Variants in KANK1 observed in about 807,000 individuals in gnomAD.
The protein encoded by KANK1 is KN motif and ankyrin repeat domains 1, also known as KN motif and ankyrin repeat domain-containing protein 1.
Under a neutral mutation model 106.2 loss-of-function variants are expected in KANK1, and 109 were observed. That is an observed-to-expected ratio of 1.03 (90% CI 0.88 to 1.20). The LOEUF is 1.20. Among genes scored for constraint, KANK1 ranks in the 50% most tolerant of loss-of-function variants. The pLI is 0.00. For missense variants in KANK1, 2,399 were observed against 1,710.7 expected, an observed-to-expected ratio of 1.40 and a Z score of -7.10; for synonymous variants, 873 against 652.2, an observed-to-expected ratio of 1.34 and a Z score of -5.16.
rs142353150 is a variant in KANK1, at chr9:726,416, A to C, written c.2699-3635A>C. Among the ~76,000 whole-genome samples the C allele has an allele frequency of 8.8e-3, 1,339 of 152,300 alleles. 18 individuals are homozygous for C. The highest frequency in any genetic ancestry group is 0.011 in the Non-Finnish European group (715 of 68,010). On this transcript the variant is annotated intron_variant, in intron 3 of 11. Transcript: ENST00000382297. ...CACTTTGGGAGGCTGAGGCGGGTGG[A>C]TCACCTGAGGTCAGGAGTTCGAGTC... is the stretch of plus-strand genomic sequence containing the variant.
intron 1 of KANK1, among the ~76,000 whole-genome samples, chr9:556,610 A>G (rs1226672928): frequency 6.6e-6 from 1 of 152,212 alleles, no homozygotes; most frequent in Non-Finnish European, 1.5e-5. Context: ...TGAGATTTTT[A>G]AAGCTAAAGT....
intron 1 of KANK1, among the ~76,000 whole-genome samples, chr9:529,248 CACACACATATACACACACACACAG>C (rs1273073247): frequency 2.4e-4 from 36 of 151,096 alleles, no homozygotes; most frequent in Non-Finnish European, 4.9e-4. Flanking sequence ...CACACACACA[CACACACATATACACACACACACAG>C]ACACACACAC....
intron 2 of KANK1, among the ~76,000 whole-genome samples, chr9:692,490 G>C (rs952344947): frequency 6.9e-5 from 10 of 145,722 alleles, no homozygotes; most frequent in African/African-American, 2.5e-4. Context: ...AAGAGATTTG[G>C]GTTAGATTTT....
At chr9:713,704 C>G (rs1383720789) in intron 3 of KANK1, among the ~76,000 whole-genome samples, 1 of 152,162 alleles carries the variant, frequency 6.6e-6, no homozygotes, top group Non-Finnish European at 1.5e-5. Context: ...GAAAAGTAAA[C>G]TGGTGTTGGC....
rs544966790 is a variant in KANK1, at chr9:710,584, G to C, written c.38-220G>C. 5.3e-5 allele frequency among the ~76,000 whole-genome samples: 7 copies of C among 131,212 alleles called. No individual in the cohort carries two copies. The South Asian group carries it at 7.7e-4, about 14-fold the overall frequency. 86.1% of individuals were successfully genotyped at this position (131,212 alleles called of 152,430 possible). On this transcript the variant is annotated intron_variant, in intron 2 of 11. Transcript: ENST00000382297. ...AGTGAACCGAGATCATGCCATTGCA[G>C]CTCCAGCCTGGGTGACAGAATGACC...
At chr9:710,415 C>T (rs550364824) in intron 2 of KANK1, among the ~76,000 whole-genome samples, 18 of 151,982 alleles carry the variant, frequency 1.2e-4, no homozygotes, top group African/African-American at 3.6e-4. Flanking sequence ...GTCAGGAGTT[C>T]GAGACCAGCC....
chr9:713,389 T>G lies in KANK1; in HGVS notation c.2623T>G (p.Ser875Ala). The change falls in exon 3 of 12, where the codon TCT becomes GCT. Residue 875 changes from serine (S) to alanine (A), a missense_variant. Ser to Ala is a moderately conservative substitution (Grantham distance 99, BLOSUM62 1). Transcript: ENST00000382297. ...QLISTLSSIN[S>A]VMKSASTEEL... ...CATCAGCACCCTGTCGTCTATCAAC[T>G]CTGTCATGAAATCTGCAAGCACTGA... The G allele has an allele frequency of 6.2e-7, 1 of 1,613,788 alleles. No homozygotes were observed. The highest frequency in any genetic ancestry group is 8.5e-7 in the Non-Finnish European group (1 of 1,179,904).
intron 3 of KANK1, among the ~76,000 whole-genome samples, chr9:480,935 G>A (rs1418077219): frequency 6.6e-6 from 1 of 152,156 alleles, no homozygotes; most frequent in South Asian, 2.1e-4. Context: ...GATGCTTCTT[G>A]GCTTACCATG....
intron 1 of KANK1, among the ~76,000 whole-genome samples, chr9:654,845 GAGA>G: frequency 7.1e-6 from 1 of 140,678 alleles, no homozygotes; most frequent in African/African-American, 2.8e-5. Context: ...GAGAGAGAGA[GAGA>G]TAAAGGGAGG....
chr9:562,115 C>T (rs1226784436), intron 1 of KANK1, among the ~76,000 whole-genome samples: 1 of 142,816 alleles, frequency 7.0e-6, no homozygotes, highest in South Asian at 2.3e-4. Flanking sequence ...TGCAGTGGCG[C>T]AATCTCGGCT....
At chr9:553,181 T>G (rs10975119) in intron 1 of KANK1, among the ~76,000 whole-genome samples, 49,728 of 151,936 alleles carry the variant, frequency 0.33, 9,254 homozygotes, top group East Asian at 0.5. Flanking sequence ...GTCACCTTTA[T>G]TTAAAAAAAT....
At chr9:540,027 A>G (rs1236357181) in intron 1 of KANK1, among the ~76,000 whole-genome samples, 1 of 152,140 alleles carries the variant, frequency 6.6e-6, no homozygotes, top group East Asian at 1.9e-4. Flanking sequence ...GATGTATTTT[A>G]TTTTTCTTGC....
chr9:520,571 C>G (rs1479072190), intron 1 of KANK1, among the ~76,000 whole-genome samples: 1 of 151,652 alleles, frequency 6.6e-6, no homozygotes, highest in South Asian at 2.1e-4. Context: ...TAATTGAAAA[C>G]AATATAATCT....
chr9:635,702 T>TC (rs888827184), intron 1 of KANK1, among the ~76,000 whole-genome samples: 1 of 129,608 alleles, frequency 7.7e-6, no homozygotes, highest in African/African-American at 2.7e-5. Context: ...TTCTTTTTTT[T>TC]TTTTTTTTTT....
In KANK1 at chr9:518,772, C is replaced by T. The variant is rs1224765030; in HGVS notation, c.-84+14018C>T. Among the ~76,000 whole-genome samples, 20 of 151,572 alleles carry T rather than the reference C, an allele frequency of 1.3e-4. 1 individual carries two copies. Among genetic ancestry groups the T allele is most frequent in the Admixed American group, 1.3e-3 (20 of 15,234 alleles). On this transcript the variant is annotated intron_variant, in intron 1 of 11. Coordinates refer to ENST00000382297, the MANE Select transcript of KANK1 (RefSeq NM_015158.5). The stretch of plus-strand genomic sequence containing the variant: ...GTGACCCTGTATGACATACAGTGAA[C>T]AAGAGAGGTGGAACTCTGGCAGGAA...
At chr9:495,326 A>AT (rs2058440343) in intron 3 of KANK1, 1 of 152,202 alleles carries the variant, frequency 6.6e-6, no homozygotes, top group African/African-American at 2.4e-5. Context: ...CTTTGTTGAA[A>AT]TTCGGGACTA....
intron 3 of KANK1, among the ~76,000 whole-genome samples, chr9:491,350 C>T (rs796489040): frequency 6.6e-6 from 1 of 151,692 alleles, no homozygotes; most frequent in Non-Finnish European, 1.5e-5. Context: ...TCACTGCAAC[C>T]TCCGCCTCCC....
At chr9:670,949 G>GTTTTTT (rs5895857) in intron 1 of KANK1, among the ~76,000 whole-genome samples, 2 of 103,106 alleles carry the variant, frequency 1.9e-5, no homozygotes, top group African/African-American at 3.3e-5. Flanking sequence ...GTCTGCTGGA[G>GTTTTTT]TTTTTTTTTT....
intron 1 of KANK1, among the ~76,000 whole-genome samples, chr9:646,618 G>A (rs1364868739): frequency 6.7e-6 from 1 of 150,080 alleles, no homozygotes; most frequent in African/African-American, 2.5e-5. Flanking sequence ...ATTGTATTGT[G>A]CTGTGATAAC....
Sources: gnomAD v4.1 joint callset for allele counts (sites outside exome capture counted in the v4.1 genomes callset) on GRCh38, gnomAD v4.1.1 for gene constraint, MANE v1.5 for transcripts, NCBI Gene and HGNC (gene_info 2026-07-23, HGNC 2026-07-21) for gene names.